Variants in DISC1 observed in about 807,000 individuals in gnomAD.
DISC1 encodes DISC1 scaffold protein.
A neutral mutation model predicts 84.5 loss-of-function variants in DISC1; 57 were observed. That is an observed-to-expected ratio of 0.67 (90% CI 0.55 to 0.84). The LOEUF is 0.84. DISC1 is among the 40% of genes least tolerant of loss of function. The probability of loss-of-function intolerance (pLI) is 0.00; values close to 1 mark genes in which losing one functional copy is unlikely to be tolerated. For synonymous variants in DISC1, 411 were observed against 415.2 expected (o/e 0.99, Z 0.12); for missense variants, 1,000 against 1,057.8 (o/e 0.95, Z 0.76).
chr1:231,974,580 C>G lies in DISC1; in HGVS notation c.2042+15692C>G, dbSNP rs551156359. Reference sequence around the variant, plus strand: ...TGGATGCTTCCGTTTGCTTAACTTCCGTAATAAGAATCCCTAGAAAAACCT... The same window carrying G: ...TGGATGCTTCCGTTTGCTTAACTTCGGTAATAAGAATCCCTAGAAAAACCT... On this transcript the variant is annotated intron_variant, in intron 10 of 12. Transcript: ENST00000439617. Among the ~76,000 whole-genome samples the G allele has an allele frequency of 2.0e-4, 31 of 152,188 alleles. No homozygotes were observed. The South Asian group carries it at 6.4e-3, about 32-fold the overall frequency.
chr1:231,667,947 T>G (rs2125429130), intron 1 of DISC1, among the ~76,000 whole-genome samples: 1 of 152,084 alleles, frequency 6.6e-6, no homozygotes, highest in Admixed American at 6.6e-5. Context: ...TGCAAGCTAC[T>G]TGGGAGGTCA....
intron 9 of DISC1, among the ~76,000 whole-genome samples, chr1:231,881,462 C>A (rs554193391): frequency 5.3e-4 from 81 of 152,184 alleles, no homozygotes; most frequent in Non-Finnish European, 1.0e-3. Flanking sequence ...CAAATTTCTC[C>A]TTTTTATTAG....
chr1:231,649,037 G>GT (rs993335863), intron 1 of DISC1, among the ~76,000 whole-genome samples: 7 of 152,118 alleles, frequency 4.6e-5, no homozygotes, highest in East Asian at 3.9e-4. Context: ...TTTTTGAAGG[G>GT]TTTTTTGTCT....
At chr1:231,866,401 G>A in intron 9 of DISC1, 1 of 656,126 alleles carries the variant, frequency 1.5e-6, no homozygotes, top group Middle Eastern at 4.0e-4. Context: ...AAGCAGAAAT[G>A]TAACAATTCT....
intron 9 of DISC1, among the ~76,000 whole-genome samples, chr1:231,857,466 C>T (rs916136802): frequency 7.9e-5 from 12 of 152,124 alleles, no homozygotes; most frequent in African/African-American, 2.9e-4. Flanking sequence ...CTGGGAATCA[C>T]GACATGTGGG....
intron 9 of DISC1, among the ~76,000 whole-genome samples, chr1:231,844,946 AAAAAAG>A (rs1558642579): frequency 6.6e-6 from 1 of 151,918 alleles, no homozygotes; most frequent in Non-Finnish European, 1.5e-5. Flanking sequence ...AAAAAAAGAA[AAAAAAG>A]AAAAAGAAGA....
intron 11 of DISC1, among the ~76,000 whole-genome samples, chr1:232,017,480 CTTTTTTTTTT>C (rs56672398): frequency 7.5e-6 from 1 of 132,820 alleles, no homozygotes; most frequent in African/African-American, 2.8e-5. Flanking sequence ...AACACCTGTC[CTTTTTTTTTT>C]TTTTTTTTTT....
rs181545601 is a variant in DISC1, at chr1:231,627,893, A to G, written c.67+959A>G. On this transcript the variant is annotated intron_variant, in intron 1 of 12. Transcript: ENST00000439617. The stretch of plus-strand genomic sequence containing the variant: ...ATTTGAATTGGACAGCACTAGGACC[A>G]TAGGAACTGGGGTTTGGAGACAGTC... 7.9e-5 allele frequency among the ~76,000 whole-genome samples: 12 copies of G among 152,348 alleles called. No individual in the cohort carries two copies. In the East Asian group the frequency reaches 2.3e-3, roughly 29 times the overall value.
At chr1:231,645,934 T>C (rs2060090308) in intron 1 of DISC1, among the ~76,000 whole-genome samples, 1 of 151,556 alleles carries the variant, frequency 6.6e-6, no homozygotes, top group Non-Finnish European at 1.5e-5. Context: ...ATACTCACTT[T>C]CAACAATTTC....
intron 6 of DISC1, among the ~76,000 whole-genome samples, chr1:231,792,178 T>C (rs575174455): frequency 1.3e-5 from 2 of 152,300 alleles, no homozygotes; most frequent in Admixed American, 1.3e-4. Context: ...AAAAGGAATA[T>C]AGCATAAATT....
intron 9 of DISC1, chr1:231,866,819 C>T (rs2125937896): frequency 1.1e-6 from 1 of 952,104 alleles, no homozygotes; most frequent in Non-Finnish European, 1.4e-6. Flanking sequence ...TTTCTTAATA[C>T]GAGGAAATGT....
intron 4 of DISC1, among the ~76,000 whole-genome samples, chr1:231,760,511 C>G (rs770616748): frequency 3.9e-5 from 6 of 152,178 alleles, no homozygotes; most frequent in Non-Finnish European, 8.8e-5. Context: ...AGGTGGCACT[C>G]CCTCAGGACC....
At chr1:231,817,893 G>A (rs2759341) in intron 8 of DISC1, among the ~76,000 whole-genome samples, 130,799 of 152,146 alleles carry the variant, frequency 0.86, 56,320 homozygotes, top group Non-Finnish European at 0.88. Flanking sequence ...AGGTCACACA[G>A]TTTGAGTAAC....
intron 1 of DISC1, among the ~76,000 whole-genome samples, chr1:231,652,027 CT>C (rs1375348545): frequency 6.6e-6 from 1 of 152,230 alleles, no homozygotes; most frequent in Non-Finnish European, 1.5e-5. Flanking sequence ...GGGAAATCCC[CT>C]GACCCCTTGT....
intron 11 of DISC1, among the ~76,000 whole-genome samples, chr1:232,019,930 AC>A: frequency 6.6e-6 from 1 of 151,980 alleles, no homozygotes; most frequent in South Asian, 2.1e-4. Flanking sequence ...ATAAGACTGA[AC>A]CCTCCAGGAA....
Position 232,009,345 on chromosome 1 carries a change from C to T in DISC1, c.2307+296C>T, listed in dbSNP as rs1041095110. On this transcript the variant is annotated intron_variant, in intron 11 of 12. Transcript: ENST00000439617. This position sits in a 1 kb window ranked among gnomAD's most constrained non-coding sequence, Gnocchi z 4.6. Reference sequence around the variant, plus strand: ...ATATAGAATTACCATATATAGCATACATTATATATGTCATATATAATATAG... The same window carrying T: ...ATATAGAATTACCATATATAGCATATATTATATATGTCATATATAATATAG... 7.7e-6 allele frequency: 8 copies of T among 1,033,944 alleles called. No homozygotes were observed. The African/African-American group carries it at 1.3e-4, about 17-fold the overall frequency. 64.0% of individuals were successfully genotyped at this position (1,033,944 alleles called of 1,614,324 possible). A position where few individuals can be genotyped will look rare whatever the true frequency, so the allele number is the denominator to read the frequency against.
At chr1:232,002,497 G>A (rs911085944) in intron 10 of DISC1, among the ~76,000 whole-genome samples, 1 of 151,848 alleles carries the variant, frequency 6.6e-6, no homozygotes, top group Non-Finnish European at 1.5e-5. Context: ...GTGGGTGAAT[G>A]GTTAAACACA....
chr1:231,946,912 C>G (rs899898140), intron 9 of DISC1, among the ~76,000 whole-genome samples: 1 of 152,088 alleles, frequency 6.6e-6, no homozygotes, highest in Non-Finnish European at 1.5e-5. Flanking sequence ...TTGTGAAGGA[C>G]CTCTTCAAGG....
At chr1:231,969,637 G>A (rs929267325) in intron 10 of DISC1, among the ~76,000 whole-genome samples, 16 of 146,698 alleles carry the variant, frequency 1.1e-4, no homozygotes, top group Admixed American at 2.8e-4. Context: ...TCTAGGGTAC[G>A]TGTGCACAAC....
Sources: gnomAD v4.1 joint callset for allele counts (sites outside exome capture counted in the v4.1 genomes callset) on GRCh38, gnomAD v4.1.1 for gene constraint, Gnocchi (gnomAD v3.1) non-coding constraint, MANE v1.5 for transcripts, NCBI Gene and HGNC (gene_info 2026-07-23, HGNC 2026-07-21) for gene names.